CNTN4: variants seen among roughly 807,000 people sequenced by gnomAD.
The protein encoded by CNTN4 is contactin 4, also known as contactin-4.
A neutral mutation model predicts 122.5 loss-of-function variants in CNTN4; 77 were observed. The observed-to-expected ratio is 0.63, with a 90% CI of 0.52 to 0.76. The LOEUF is 0.76. Ranked by LOEUF, CNTN4 falls within the 30% of genes least tolerant of loss-of-function variation. The probability of loss-of-function intolerance (pLI) is 0.00; values close to 1 mark genes in which losing one functional copy is unlikely to be tolerated. For missense variants in CNTN4, 1,256 were observed against 1,259.1 expected (o/e 1.00, Z 0.04); for synonymous variants, 512 against 447.0 (o/e 1.15, Z -1.83).
intron 6 of CNTN4, among the ~76,000 whole-genome samples, chr3:2,806,612 A>G (rs2150106168): frequency 6.6e-6 from 1 of 152,348 alleles, no homozygotes; most frequent in East Asian, 1.9e-4. Context: ...CTTCTTCAGC[A>G]GCTTAGAAGT....
At chr3:2,656,569 C>A (rs769336568) in intron 4 of CNTN4, among the ~76,000 whole-genome samples, 2 of 152,192 alleles carry the variant, frequency 1.3e-5, no homozygotes, top group Admixed American at 6.5e-5. Context: ...GAGCATAATG[C>A]GGACTAACTT....
intron 4 of CNTN4, among the ~76,000 whole-genome samples, chr3:2,727,244 T>G (rs1179793994): frequency 6.6e-6 from 1 of 152,178 alleles, no homozygotes; most frequent in Non-Finnish European, 1.5e-5. Flanking sequence ...CAGTGTTACA[T>G]AATAGCATCC....
intron 3 of CNTN4, among the ~76,000 whole-genome samples, chr3:2,410,544 T>G (rs149453968): frequency 2.0e-5 from 3 of 152,324 alleles, no homozygotes; most frequent in Non-Finnish European, 2.9e-5. Context: ...AAGATAACTT[T>G]TTTATTATCC....
chr3:2,386,520 T>C (rs988766518), intron 3 of CNTN4, among the ~76,000 whole-genome samples: 11 of 152,228 alleles, frequency 7.2e-5, no homozygotes, highest in Middle Eastern at 3.2e-3. Flanking sequence ...TTACATTGCA[T>C]TGAAAATATT....
chr3:2,301,760 G>A (rs1401101165), intron 2 of CNTN4, among the ~76,000 whole-genome samples: 3 of 152,222 alleles, frequency 2.0e-5, no homozygotes, highest in South Asian at 2.1e-4. Context: ...TCAGACTTCA[G>A]ACCGAATCCA....
intron 6 of CNTN4, among the ~76,000 whole-genome samples, chr3:2,817,763 A>G (rs1300598516): frequency 6.6e-6 from 1 of 152,156 alleles, no homozygotes; most frequent in East Asian, 1.9e-4. Flanking sequence ...TAGATGACTT[A>G]CTCTAAGAAC....
intron 20 of CNTN4, chr3:3,040,927 CAA>C (rs3053504): frequency 0.48 from 67,821 of 141,756 alleles, 17,019 homozygotes; most frequent in African/African-American, 0.69. Context: ...AACTCCATCT[CAA>C]AAAAAAAAAA....
intron 3 of CNTN4, among the ~76,000 whole-genome samples, chr3:2,426,392 A>G (rs1443302645): frequency 1.3e-5 from 2 of 152,152 alleles, no homozygotes; most frequent in Non-Finnish European, 2.9e-5. Context: ...GTTATGTTGA[A>G]GCAGCCTTGC....
At chr3:2,336,274 C>T (rs1307729793) in intron 2 of CNTN4, among the ~76,000 whole-genome samples, 2 of 151,940 alleles carry the variant, frequency 1.3e-5, no homozygotes, top group Admixed American at 1.3e-4. Flanking sequence ...GACAGCAAAT[C>T]CCAGGAGGTC....
At chr3:2,715,048 C>A (rs910405565) in intron 4 of CNTN4, among the ~76,000 whole-genome samples, 1 of 152,174 alleles carries the variant, frequency 6.6e-6, no homozygotes, top group Non-Finnish European at 1.5e-5. Flanking sequence ...CTACATATAT[C>A]GTGTTTCAAG....
intron 3 of CNTN4, among the ~76,000 whole-genome samples, chr3:2,407,020 A>AT (rs1402695851): frequency 1.3e-5 from 2 of 152,126 alleles, no homozygotes; most frequent in African/African-American, 2.4e-5. Context: ...ACTTATTAGG[A>AT]TTTTTTTACA....
At chr3:2,538,165 G>A (rs2077883115) in intron 3 of CNTN4, among the ~76,000 whole-genome samples, 1 of 152,060 alleles carries the variant, frequency 6.6e-6, no homozygotes, top group Non-Finnish European at 1.5e-5. Flanking sequence ...ACCATGTGAA[G>A]ACTGGAGTTA....
At chr3:2,376,587 G>A (rs1261324987) in intron 3 of CNTN4, among the ~76,000 whole-genome samples, 1 of 149,808 alleles carries the variant, frequency 6.7e-6, no homozygotes, top group Non-Finnish European at 1.5e-5. Flanking sequence ...AGTTGCAGTT[G>A]TCACTGTTTT....
At chr3:2,477,656 C>G (rs1212797476) in intron 3 of CNTN4, among the ~76,000 whole-genome samples, 1 of 152,150 alleles carries the variant, frequency 6.6e-6, no homozygotes, top group Non-Finnish European at 1.5e-5. Context: ...TGAAATCTAG[C>G]AAAGTGAAAA....
intron 2 of CNTN4, among the ~76,000 whole-genome samples, chr3:2,295,889 T>C (rs2042293603): frequency 1.3e-5 from 2 of 152,350 alleles, no homozygotes; most frequent in East Asian, 1.9e-4. Context: ...TTCAGCTTTC[T>C]ACATATGACT....
rs1407970967 is a variant in CNTN4 at position 2,591,654 on chromosome 3, G to A, written c.55+20096G>A. ...GCTGGGATTACAGGCGTGAGCCACC[G>A]CGCCCGGCCGATTTGTGACTTTTTA... On this transcript the variant is annotated intron_variant, in intron 4 of 24. Transcript: ENST00000418658. Among the ~76,000 whole-genome samples, 4 of 51,606 alleles carry A rather than the reference G, an allele frequency of 7.8e-5. 2 individuals are homozygous for A. The highest frequency in any genetic ancestry group is 2.0e-4 in the Non-Finnish European group (4 of 20,230). 33.9% of individuals were successfully genotyped at this position (51,606 alleles called of 152,430 possible).
At chr3:2,666,642 G>A (rs568104727) in intron 4 of CNTN4, among the ~76,000 whole-genome samples, 11 of 151,734 alleles carry the variant, frequency 7.2e-5, no homozygotes, top group South Asian at 4.2e-4. Context: ...TGTGCACAAC[G>A]TGCAGGTTTT....
At chr3:3,025,353 AT>A (rs1559802346) in intron 14 of CNTN4, among the ~76,000 whole-genome samples, 1 of 152,154 alleles carries the variant, frequency 6.6e-6, no homozygotes, top group African/African-American at 2.4e-5. Flanking sequence ...TATTAGAAAA[AT>A]GTCTAATAAA....
intron 3 of CNTN4, among the ~76,000 whole-genome samples, chr3:2,400,158 C>G (rs1466890631): frequency 1.3e-5 from 2 of 151,916 alleles, no homozygotes; most frequent in South Asian, 4.2e-4. Context: ...TTCTCATCTT[C>G]AAGAGCTAGC....
Sources: allele counts gnomAD v4.1 joint callset (sites outside exome capture counted in the v4.1 genomes callset), GRCh38; gene constraint gnomAD v4.1.1; transcripts MANE v1.5; gene names NCBI Gene and HGNC (gene_info 2026-07-23, HGNC 2026-07-21).